The following LGI1 variants were observed in gnomAD, a reference collection of about 807,000 sequenced individuals.
LGI1 encodes the protein leucine rich glioma inactivated 1.
Under a neutral mutation model 57.7 loss-of-function variants are expected in LGI1, and 11 were observed. The ratio of observed to expected loss-of-function variants is 0.19; its 90% CI spans 0.12 to 0.32. The LOEUF is 0.32. Among genes scored for constraint, LGI1 ranks in the 10% least tolerant of loss-of-function variants. The pLI, the probability that LGI1 is intolerant of heterozygous loss-of-function variation, is 1.00. For synonymous variants in LGI1, 222 were observed against 241.9 expected (o/e 0.92, Z 0.76); for missense variants, 422 against 661.9 (o/e 0.64, Z 3.98).
intron 4 of LGI1, among the ~76,000 whole-genome samples, chr10:93,780,975 G>T (rs551023899): frequency 6.6e-6 from 1 of 152,228 alleles, no homozygotes; most frequent in African/African-American, 2.4e-5. Flanking sequence ...TATAAATTTA[G>T]TTCACGCCTA....
intron 4 of LGI1, among the ~76,000 whole-genome samples, chr10:93,783,879 G>A (rs1481271251): frequency 6.6e-6 from 1 of 152,142 alleles, no homozygotes; most frequent in African/African-American, 2.4e-5. Context: ...GGGCATGGTG[G>A]CGTATGCCCG....
chr10:93,757,946 A>G lies in LGI1; in HGVS notation c.-199A>G. On this transcript the variant is annotated 5_prime_UTR_variant, in exon 1 of 8. Coordinates refer to ENST00000371418, the MANE Select transcript of LGI1 (RefSeq NM_005097.4). ...GATCCCTCCCATCTCACAGTACCTCACAGGTCTCTTCCCCCGAGCAGTGCA... is the reference window on the plus strand; with the variant it reads ...GATCCCTCCCATCTCACAGTACCTCGCAGGTCTCTTCCCCCGAGCAGTGCA... The G allele has an allele frequency of 1.6e-6, 1 of 627,930 alleles. No homozygotes were observed. The allele number at this position is 627,930 out of a possible 1,614,324, so 38.9% of individuals were successfully genotyped here.
chr10:93,778,241 A>T (rs74150344), intron 4 of LGI1, among the ~76,000 whole-genome samples: 5,209 of 152,184 alleles, frequency 0.034, 312 homozygotes, highest in African/African-American at 0.12. Flanking sequence ...ACCAAGAATT[A>T]TCCAGCCTAA....
rs148370191 is a variant in LGI1, at chr10:93,780,133, C to T, written c.431+2516C>T. On this transcript the variant is annotated intron_variant, in intron 4 of 7. Transcript: ENST00000371418. ...GAGAAATTGGACAAATATTTTCTCA[C>T]TGAGTGCCTTTGTCCCCAAGTTATG... is the stretch of plus-strand genomic sequence containing the variant. The T allele has an allele frequency of 4.6e-5, 7 of 152,528 alleles. No individual in the cohort carries two copies. The East Asian group carries it at 1.2e-3, about 25-fold the overall frequency. The allele number at this position is 152,528 out of a possible 1,614,324, so 9.4% of individuals were successfully genotyped here.
Position 93,797,736 on chromosome 10 carries a change from T to C in LGI1, c.1607T>C (p.Leu536Pro). The stretch of plus-strand genomic sequence containing the variant: ...GTGTCCATTAATAAGCGTAATTTTC[T>C]TTTTGCTTCCAGTTTTAAGGGAAAT... ...THVSINKRNF[L>P]FASSFKGNTQ... The change falls in exon 8 of 8, where the codon CTT (leucine) becomes CCT (proline). Residue 536 changes from leucine to proline, a missense_variant. Coordinates refer to ENST00000371418, the MANE Select transcript of LGI1 (RefSeq NM_005097.4). This position sits in a 1 kb window ranked among gnomAD's most constrained non-coding sequence, Gnocchi z 6.5. The C allele has an allele frequency of 6.2e-7, 1 of 1,611,280 alleles. No homozygotes were observed. Among genetic ancestry groups the C allele is most frequent in the African/African-American group, 1.3e-5 (1 of 75,046 alleles).
chr10:93,771,688 A>T (rs2133993073), intron 2 of LGI1: 1 of 152,364 alleles, frequency 6.6e-6, no homozygotes, highest in East Asian at 1.9e-4. Flanking sequence ...AAAAAGGATT[A>T]AAGGCAGGCC....
At chr10:93,765,458 A>T (rs2059664138) in intron 2 of LGI1, 1 of 152,162 alleles carries the variant, frequency 6.6e-6, no homozygotes, top group African/African-American at 2.4e-5. Context: ...TGCTGATGGG[A>T]TTGTGGTACA....
intron 2 of LGI1, chr10:93,769,577 A>G (rs1306776613): frequency 1.3e-5 from 2 of 152,234 alleles, no homozygotes; most frequent in Admixed American, 6.5e-5. Context: ...CATACACATT[A>G]TCTCACATAA....
At chr10:93,760,800 C>T (rs7916508) in intron 2 of LGI1, among the ~76,000 whole-genome samples, 8,626 of 152,254 alleles carry the variant, frequency 0.057, 319 homozygotes, top group African/African-American at 0.099. Context: ...CCCCATGCTC[C>T]GAGTTCCTAT....
At chr10:93,784,949 C>G (rs906341381) in intron 4 of LGI1, among the ~76,000 whole-genome samples, 1 of 152,110 alleles carries the variant, frequency 6.6e-6, no homozygotes, top group Non-Finnish European at 1.5e-5. Context: ...TGGAAGAAAA[C>G]ATGACTAAAT....
chr10:93,793,412 G>T, intron 7 of LGI1, 62 bp downstream of exon 7: 1 of 1,365,226 alleles, frequency 7.3e-7, no homozygotes, highest in South Asian at 1.2e-5. Context: ...AGGGCAACAA[G>T]GAAAGATGAG....
At chr10:93,761,499 C>T (rs1332994583) in intron 2 of LGI1, among the ~76,000 whole-genome samples, 2 of 152,122 alleles carry the variant, frequency 1.3e-5, no homozygotes, top group Non-Finnish European at 2.9e-5. Context: ...CTGATAATGT[C>T]AGTATGCCCC....
At chr10:93,780,512 C>T (rs1006819405) in intron 4 of LGI1, among the ~76,000 whole-genome samples, 3 of 152,228 alleles carry the variant, frequency 2.0e-5, no homozygotes, top group Non-Finnish European at 2.9e-5. Flanking sequence ...ACCCTCTAAC[C>T]TGCATGCATT....
rs191438467 is a variant in LGI1, at chr10:93,778,990, G to A, written c.431+1373G>A. 12 of 152,256 alleles carry A rather than the reference G, an allele frequency of 7.9e-5. No individual in the cohort carries two copies. In the East Asian group the frequency reaches 2.1e-3, roughly 27 times the overall value. 9.4% of individuals were successfully genotyped at this position (152,256 alleles called of 1,614,324 possible). On this transcript the variant is annotated intron_variant, in intron 4 of 7. Transcript: ENST00000371418. ...ATGCCTTTCAAGGCTTCTGTATAGAGTTATTGTAATAAAAAAACAGTGTTT... is the reference window on the plus strand; with the variant it reads ...ATGCCTTTCAAGGCTTCTGTATAGAATTATTGTAATAAAAAAACAGTGTTT...
chr10:93,772,111 A>G (rs889516980), intron 2 of LGI1: 1 of 152,204 alleles, frequency 6.6e-6, no homozygotes, highest in East Asian at 1.9e-4. Context: ...GTAGGAAAAA[A>G]CTTTTAGCAT....
chr10:93,760,492 G>T (rs1333848221), intron 2 of LGI1, among the ~76,000 whole-genome samples: 2 of 152,222 alleles, frequency 1.3e-5, no homozygotes, highest in African/African-American at 4.8e-5. Context: ...CCCCTAGGAA[G>T]TTACATAGAT....
At chr10:93,785,200 G>A (rs1468526236) in intron 4 of LGI1, among the ~76,000 whole-genome samples, 1 of 152,150 alleles carries the variant, frequency 6.6e-6, no homozygotes, top group Non-Finnish European at 1.5e-5. Context: ...GATGATCTCA[G>A]CTTCCTGAAG....
chr10:93,769,354 C>T (rs918644201), intron 2 of LGI1: 10 of 152,206 alleles, frequency 6.6e-5, no homozygotes, highest in African/African-American at 2.4e-4. Context: ...TGTGCACACT[C>T]ATGTTTGTAC....
intron 2 of LGI1, among the ~76,000 whole-genome samples, chr10:93,760,670 A>G (rs940991412): frequency 6.6e-6 from 1 of 152,214 alleles, no homozygotes; most frequent in Non-Finnish European, 1.5e-5. Context: ...ATGCTGGACA[A>G]TGTTATAGAA....
Sources: allele counts gnomAD v4.1 joint callset (sites outside exome capture counted in the v4.1 genomes callset), GRCh38; gene constraint gnomAD v4.1.1; non-coding constraint Gnocchi (gnomAD v3.1); transcripts MANE v1.5; gene names NCBI Gene and HGNC (gene_info 2026-07-23, HGNC 2026-07-21).